The following ITGA8 variants were observed in gnomAD, a reference collection of about 807,000 sequenced individuals.
ITGA8 encodes integrin subunit alpha 8, also known as integrin alpha-8.
Under a neutral mutation model 142.3 loss-of-function variants are expected in ITGA8, and 91 were observed. The ratio of observed to expected loss-of-function variants is 0.64; its 90% CI spans 0.54 to 0.76. The LOEUF (loss-of-function observed/expected upper bound fraction) is 0.76. Ranked by LOEUF, ITGA8 falls within the 30% of genes least tolerant of loss-of-function variation. ITGA8 has a pLI of 0.00. For synonymous variants in ITGA8, 505 were observed against 485.2 expected, an observed-to-expected ratio of 1.04 and a Z score of -0.54; for missense variants, 1,406 against 1,327.7, an observed-to-expected ratio of 1.06 and a Z score of -0.92.
At chr10:15,644,608 C>T (rs907847922) in intron 12 of ITGA8, among the ~76,000 whole-genome samples, 4 of 149,204 alleles carry the variant, frequency 2.7e-5, no homozygotes, top group African/African-American at 9.9e-5. Context: ...GGATTAAAGG[C>T]ATGAGCCACT....
chr10:15,658,235 G>A (rs1022929980), intron 10 of ITGA8, among the ~76,000 whole-genome samples: 12 of 152,180 alleles, frequency 7.9e-5, no homozygotes, highest in African/African-American at 1.7e-4. Flanking sequence ...CATGAGCGGT[G>A]CGGTGGGAAC....
At chr10:15,523,682 G>C (rs898642384) in intron 28 of ITGA8, among the ~76,000 whole-genome samples, 3 of 150,506 alleles carry the variant, frequency 2.0e-5, no homozygotes, top group Non-Finnish European at 4.4e-5. Context: ...GGCTGAGACA[G>C]ATGGATCACT....
chr10:15,521,382 G>T (rs186503532), intron 28 of ITGA8, among the ~76,000 whole-genome samples: 18 of 152,182 alleles, frequency 1.2e-4, no homozygotes, highest in Non-Finnish European at 1.5e-5. Flanking sequence ...AGCTTGTCTT[G>T]GTTTTTTATT....
At chr10:15,691,076 G>A (rs190100638) in intron 2 of ITGA8, among the ~76,000 whole-genome samples, 5 of 152,272 alleles carry the variant, frequency 3.3e-5, no homozygotes, top group Non-Finnish European at 5.9e-5. Context: ...ACGGCCAACA[G>A]GTATATGTGA....
chr10:15,677,551 T>C, intron 6 of ITGA8, 41 bp downstream of exon 6: 1 of 1,563,678 alleles, frequency 6.4e-7, no homozygotes, highest in South Asian at 1.1e-5. Context: ...CTTCTGTTAG[T>C]AACAACAAAT....
intron 27 of ITGA8, among the ~76,000 whole-genome samples, chr10:15,543,464 C>G (rs916796064): frequency 1.3e-5 from 2 of 152,216 alleles, no homozygotes; most frequent in African/African-American, 4.8e-5. Context: ...CCCACTCAAG[C>G]CTTCAGATGA....
rs1303457983 is a variant in ITGA8 at position 15,516,486 on chromosome 10, G to C, written c.*672C>G. 1 of 152,204 alleles carries C rather than the reference G, an allele frequency of 6.6e-6. No individual in the cohort carries two copies. The highest frequency in any genetic ancestry group is 1.5e-5 in the Non-Finnish European group (1 of 68,034). 9.4% of individuals were successfully genotyped at this position (152,204 alleles called of 1,614,324 possible). ...GTTCTTAGGAGGAAACTGAGTGAGT[G>C]ATTTTGAAAACTAGCTAACCAAATC... On this transcript the variant is annotated 3_prime_UTR_variant, in exon 30 of 30. Transcript: ENST00000378076.
Position 15,718,788 on chromosome 10 carries a change from C to T in ITGA8, c.321G>A (p.Arg107=), listed in dbSNP as rs2131746685. 2 of 1,614,178 alleles carry T rather than the reference C, an allele frequency of 1.2e-6. No individual in the cohort carries two copies. Among genetic ancestry groups the T allele is most frequent in the Middle Eastern group, 1.6e-4 (1 of 6,062 alleles). The change falls in exon 2 of 30, where the codon AGG becomes AGA. Residue 107 remains arginine (R), a synonymous_variant. Transcript: ENST00000378076. ...TACTGGTGGTGTCAAACGGTATCTG[C>T]CTGCACTGCGCAGACCCCTCCGCGG... ...PWPAEGSAQC[R]QIPFDTTNNR...
At chr10:15,697,537 G>C (rs1411985703) in intron 2 of ITGA8, among the ~76,000 whole-genome samples, 4 of 152,150 alleles carry the variant, frequency 2.6e-5, no homozygotes, top group Non-Finnish European at 5.9e-5. Flanking sequence ...TGCTTTTCCT[G>C]TAAAGGACTA....
chr10:15,574,952 CA>C (rs1834256915), intron 24 of ITGA8, among the ~76,000 whole-genome samples: 1 of 151,854 alleles, frequency 6.6e-6, no homozygotes, highest in Admixed American at 6.6e-5. Flanking sequence ...ACAATAGTAA[CA>C]AGATAAAGTG....
At chr10:15,707,847 GA>G (rs997687030) in intron 2 of ITGA8, among the ~76,000 whole-genome samples, 3 of 148,926 alleles carry the variant, frequency 2.0e-5, no homozygotes, top group Non-Finnish European at 3.0e-5. Context: ...GAAAGAAAAA[GA>G]AAAAAAAGAT....
At chr10:15,657,804 T>A (rs1290619135) in intron 10 of ITGA8, among the ~76,000 whole-genome samples, 1 of 152,230 alleles carries the variant, frequency 6.6e-6, no homozygotes, top group Admixed American at 6.5e-5. Context: ...AGTTTAAAAT[T>A]AAGTGCGTAG....
rs138994296 is a variant in ITGA8, at chr10:15,652,425, A to G, written c.1001+2929T>C. The stretch of plus-strand genomic sequence containing the variant: ...TCAGTGGGAAGAAATGTGTCTGTGC[A>G]TATCTGAAAGGCCACAGTGGGATTT... On this transcript the variant is annotated intron_variant, in intron 11 of 29. Transcript: ENST00000378076. Among the ~76,000 whole-genome samples the G allele has an allele frequency of 2.2e-4, 32 of 146,464 alleles. 1 individual carries two copies. The highest frequency in any genetic ancestry group is 7.5e-4 in the African/African-American group (30 of 40,078).
chr10:15,604,199 A>G lies in ITGA8; in HGVS notation c.2118+9T>C, dbSNP rs776830055. The G allele has an allele frequency of 2.5e-6, 4 of 1,600,410 alleles. No individual in the cohort carries two copies. The highest frequency in any genetic ancestry group is 3.5e-5 in the Admixed American group (2 of 56,686). On this transcript the variant is annotated intron_variant, in intron 20 of 29. Transcript: ENST00000378076. ...TAGCTCTTGACTTCAAACAATTTGC[A>G]GGCATTACCTTGTTGTTGCGTTCGA...
intron 17 of ITGA8, among the ~76,000 whole-genome samples, chr10:15,606,804 G>T (rs1446402318): frequency 6.6e-6 from 1 of 152,144 alleles, no homozygotes; most frequent in Non-Finnish European, 1.5e-5. Context: ...CAGAATTTAT[G>T]AGTTCTCTCT....
intron 4 of ITGA8, 50 bp downstream of exon 4, chr10:15,683,954 T>C (rs1660742362): frequency 1.9e-6 from 3 of 1,610,558 alleles, no homozygotes; most frequent in East Asian, 2.2e-5. Flanking sequence ...CTGTCTACGA[T>C]AGAAAAGCAC....
At chr10:15,655,329 A>G (rs757279271) in intron 11 of ITGA8, 25 bp downstream of exon 11, 1 of 1,426,240 alleles carries the variant, frequency 7.0e-7, no homozygotes, top group Non-Finnish European at 9.9e-7. Flanking sequence ...AATATATTGT[A>G]TATGAGAGAG....
At chr10:15,537,389 A>T (rs1244961192) in intron 27 of ITGA8, among the ~76,000 whole-genome samples, 1 of 152,218 alleles carries the variant, frequency 6.6e-6, no homozygotes, top group Admixed American at 6.5e-5. Flanking sequence ...GTGAGCACAC[A>T]GCGAATTGTA....
intron 23 of ITGA8, among the ~76,000 whole-genome samples, chr10:15,580,968 A>G (rs1834397061): frequency 6.6e-6 from 1 of 152,232 alleles, no homozygotes; most frequent in African/African-American, 2.4e-5. Context: ...GTATGTAACA[A>G]ATAATTTAAC....
Sources: allele counts gnomAD v4.1 joint callset (sites outside exome capture counted in the v4.1 genomes callset), GRCh38; gene constraint gnomAD v4.1.1; transcripts MANE v1.5; gene names NCBI Gene and HGNC (gene_info 2026-07-23, HGNC 2026-07-21).